TRPM7: variants seen among roughly 807,000 people sequenced by gnomAD.
The protein encoded by TRPM7 is transient receptor potential cation channel subfamily M member 7, also known as LTRPC ion channel family member 7.
TRPM7 carries 134 observed loss-of-function variants against 229.7 expected under a neutral mutation model. That is an observed-to-expected ratio of 0.58 (90% CI 0.51 to 0.67). TRPM7 has a LOEUF of 0.67. TRPM7 is among the 30% of genes least tolerant of loss of function. The pLI, the probability that TRPM7 is intolerant of heterozygous loss-of-function variation, is 0.00. For missense variants in TRPM7, 1,901 were observed against 2,210.0 expected, an observed-to-expected ratio of 0.86 and a Z score of 2.80; for synonymous variants, 699 against 715.2, an observed-to-expected ratio of 0.98 and a Z score of 0.36.
intron 19 of TRPM7, among the ~76,000 whole-genome samples, chr15:50,608,795 G>A (rs546882636): frequency 6.6e-6 from 1 of 152,280 alleles, no homozygotes; most frequent in African/African-American, 2.4e-5. Context: ...GTTTTCCTAT[G>A]ACGGGGAGTT....
intron 1 of TRPM7, among the ~76,000 whole-genome samples, chr15:50,684,401 G>T (rs1221716842): frequency 6.6e-6 from 1 of 152,084 alleles, no homozygotes; most frequent in Non-Finnish European, 1.5e-5. Flanking sequence ...CAACACTTTG[G>T]GAGGTGAGAC....
At chr15:50,611,508 A>G (rs1359047765) in intron 16 of TRPM7, among the ~76,000 whole-genome samples, 187 bp from the exon 17 acceptor site, 1 of 152,236 alleles carries the variant, frequency 6.6e-6, no homozygotes, top group African/African-American at 2.4e-5. Flanking sequence ...AAATATTAAA[A>G]TATGTCGCAT....
intron 1 of TRPM7, among the ~76,000 whole-genome samples, chr15:50,683,001 G>A (rs1015487525): frequency 6.6e-6 from 1 of 151,298 alleles, no homozygotes. Context: ...TCCCACCTCA[G>A]CCTCCCAAGT....
At chr15:50,623,503 G>A (rs1012374542) in intron 12 of TRPM7, among the ~76,000 whole-genome samples, 14 of 93,620 alleles carry the variant, frequency 1.5e-4, no homozygotes, top group South Asian at 3.3e-4. Flanking sequence ...TCCCCGCCCC[G>A]CCCTGGATTT....
chr15:50,608,475 A>G (rs2140457360), intron 19 of TRPM7, among the ~76,000 whole-genome samples: 1 of 152,332 alleles, frequency 6.6e-6, no homozygotes, highest in Admixed American at 6.5e-5. Context: ...AAGAAAAGAG[A>G]AATTCCTGTA....
chr15:50,595,366 G>C lies in TRPM7; in HGVS notation c.3291-753C>G, dbSNP rs114936066. ...TTAGAAAAACATTCTAAACAAGCAA[G>C]TATTGCTCACAGATTTAACTACAAT... On this transcript the variant is annotated intron_variant, in intron 23 of 38. Coordinates refer to ENST00000646667, the MANE Select transcript of TRPM7 (RefSeq NM_017672.6). 5.6e-3 allele frequency among the ~76,000 whole-genome samples: 850 copies of C among 151,782 alleles called. 9 individuals are homozygous for C. Among genetic ancestry groups the C allele is most frequent in the African/African-American group, 0.02 (818 of 41,368 alleles).
intron 38 of TRPM7, among the ~76,000 whole-genome samples, chr15:50,564,520 G>C (rs2141435729): frequency 6.6e-6 from 1 of 151,524 alleles, no homozygotes; most frequent in Middle Eastern, 3.4e-3. Context: ...AACTAACCAA[G>C]TCATGCATTA....
chr15:50,669,080 C>G (rs62017211), intron 1 of TRPM7, among the ~76,000 whole-genome samples: 22,127 of 152,014 alleles, frequency 0.15, 2,203 homozygotes, highest in Admixed American at 0.28. Flanking sequence ...CTTGGGACCT[C>G]AAGAAGAGAG....
At chr15:50,678,258 C>A (rs145275630) in intron 1 of TRPM7, among the ~76,000 whole-genome samples, 14,903 of 109,866 alleles carry the variant, frequency 0.14, 1,811 homozygotes, top group Admixed American at 0.21. Context: ...AAAACAAAAA[C>A]AAAAACAAAA....
At chr15:50,676,949 A>G (rs1178697301) in intron 1 of TRPM7, among the ~76,000 whole-genome samples, 1 of 152,228 alleles carries the variant, frequency 6.6e-6, no homozygotes. Context: ...GCTAAATAAA[A>G]TAACTGAGCA....
chr15:50,665,965 C>G (rs910710369), intron 1 of TRPM7, among the ~76,000 whole-genome samples: 1 of 151,916 alleles, frequency 6.6e-6, no homozygotes, highest in Non-Finnish European at 1.5e-5. Context: ...TGCACTCCAG[C>G]CTGGGCAACA....
intron 36 of TRPM7, among the ~76,000 whole-genome samples, chr15:50,570,853 CA>C (rs370802173): frequency 2.2e-5 from 3 of 134,726 alleles, no homozygotes; most frequent in Non-Finnish European, 3.2e-5. Flanking sequence ...AAATTCGTCT[CA>C]AAAAAAAAAC....
At chr15:50,619,607 C>T (rs140316725) in intron 13 of TRPM7, 138 bp downstream of exon 13, 9 of 689,712 alleles carry the variant, frequency 1.3e-5, no homozygotes, top group African/African-American at 3.8e-5. Flanking sequence ...AAATTCAGCC[C>T]ATATTTTATC....
chr15:50,635,941 T>C (rs532475992), intron 7 of TRPM7, among the ~76,000 whole-genome samples: 1 of 150,982 alleles, frequency 6.6e-6, no homozygotes, highest in African/African-American at 2.4e-5. Context: ...ATCGGGCCAC[T>C]GCACAACAGC....
At chr15:50,685,840 G>C (rs1033680218) in intron 1 of TRPM7, among the ~76,000 whole-genome samples, 2 of 152,136 alleles carry the variant, frequency 1.3e-5, no homozygotes, top group African/African-American at 4.8e-5. Context: ...CTGGGGCAAG[G>C]GATGCGGTAG....
intron 12 of TRPM7, among the ~76,000 whole-genome samples, chr15:50,623,020 C>CTAA (rs1467004164): frequency 2.6e-5 from 4 of 152,170 alleles, no homozygotes; most frequent in African/African-American, 9.7e-5. Context: ...GGCATTTAAG[C>CTAA]TAAGTCCTAA....
Position 50,574,314 on chromosome 15 carries a change from G to T in TRPM7, c.5268C>A (p.Tyr1756Ter), listed in dbSNP as rs114933907. 1 of 1,613,772 alleles carries T rather than the reference G, an allele frequency of 6.2e-7. No individual in the cohort carries two copies. Among genetic ancestry groups the T allele is most frequent in the Non-Finnish European group, 8.5e-7 (1 of 1,179,902 alleles). ...CCAGTAACTCCCCTCTTGTATATTCGTAAGTCCAGTGGCTAAAGGCTAGCA... is the reference window on the plus strand; with the variant it reads ...CCAGTAACTCCCCTCTTGTATATTCTTAAGTCCAGTGGCTAAAGGCTAGCA... ...EIMLAFSHWT[Y>*]EYTRGELLVL... is the part of the protein sequence containing the mutation. The change falls in exon 36 of 39, where the codon TAC becomes TAA. Residue 1756 changes from tyrosine (Y) to a stop codon, truncating the protein, a stop_gained. Transcript: ENST00000646667. LOFTEE classifies it high-confidence loss of function.
intron 25 of TRPM7, among the ~76,000 whole-genome samples, chr15:50,593,125 C>T (rs143376265): frequency 0.031 from 4,642 of 151,936 alleles, 237 homozygotes; most frequent in African/African-American, 0.11. Flanking sequence ...CCTGTCTCTA[C>T]TAAAAATATA....
At chr15:50,575,190 A>C in intron 33 of TRPM7, 55 bp from the exon 34 acceptor site, 3 of 1,465,490 alleles carry the variant, frequency 2.0e-6, no homozygotes, top group Non-Finnish European at 2.7e-6. Context: ...TAAAAACGAC[A>C]AAGTAAAATA....
Sources: gnomAD v4.1 joint callset for allele counts (sites outside exome capture counted in the v4.1 genomes callset) on GRCh38, gnomAD v4.1.1 for gene constraint, MANE v1.5 for transcripts, NCBI Gene and HGNC (gene_info 2026-07-23, HGNC 2026-07-21) for gene names.